Variants in LCOR observed in about 807,000 individuals in gnomAD.
The protein encoded by LCOR is ligand-dependent corepressor.
Under a neutral mutation model 64.4 loss-of-function variants are expected in LCOR, and 14 were observed. The ratio of observed to expected loss-of-function variants is 0.22; its 90% CI spans 0.14 to 0.34. LCOR has a LOEUF of 0.34. LCOR is among the 10% of genes least tolerant of loss of function. LCOR has a pLI of 1.00. For missense variants in LCOR, 1,686 were observed against 1,765.3 expected (o/e 0.96, Z 0.80); for synonymous variants, 643 against 642.5 (o/e 1.00, Z -0.01).
At chr10:96,893,188 T>C (rs1156534082) in intron 2 of LCOR, among the ~76,000 whole-genome samples, 3 of 152,228 alleles carry the variant, frequency 2.0e-5, no homozygotes, top group Non-Finnish European at 2.9e-5. Context: ...TAAAATACTT[T>C]GCTGCTACAT....
chr10:96,923,296 A>G (rs1847112914), intron 4 of LCOR, among the ~76,000 whole-genome samples: 1 of 152,244 alleles, frequency 6.6e-6, no homozygotes, highest in African/African-American at 2.4e-5. Context: ...CAAAACCTGC[A>G]TGTGTTCACA....
At chr10:96,874,693 AATGGTGCG>A (rs1846134642) in intron 2 of LCOR, among the ~76,000 whole-genome samples, 1 of 151,416 alleles carries the variant, frequency 6.6e-6, no homozygotes, top group African/African-American at 2.4e-5. Flanking sequence ...GCTGGAGTGC[AATGGTGCG>A]ATCTTGGCTC....
intron 4 of LCOR, among the ~76,000 whole-genome samples, chr10:96,913,881 G>A (rs1325823672): frequency 6.6e-6 from 1 of 151,802 alleles, no homozygotes; most frequent in Non-Finnish European, 1.5e-5. Flanking sequence ...TCATGCCTGG[G>A]CGACACACAC....
intron 7 of LCOR, chr10:96,960,726 C>T (rs1056096927): frequency 1.3e-5 from 2 of 152,040 alleles, no homozygotes; most frequent in Non-Finnish European, 2.9e-5. Flanking sequence ...CAGAACAGCC[C>T]GTTTAGGAGA....
chr10:96,897,955 A>AT lies in LCOR; in HGVS notation c.-329-9309dup, dbSNP rs894120318. On this transcript the variant is annotated intron_variant, in intron 2 of 7. Transcript: ENST00000421806. ...TTCAAGTCTTTAGCTTGCCTGACACATAAAACAGAGTCCTTGTAAAATCTC... is the reference window on the plus strand; with the variant it reads ...TTCAAGTCTTTAGCTTGCCTGACACATTAAAACAGAGTCCTTGTAAAATCTC... Among the ~76,000 whole-genome samples the AT allele has an allele frequency of 8.6e-5, 13 of 150,604 alleles. No individual in the cohort carries two copies. The East Asian group carries it at 2.5e-3, about 29-fold the overall frequency.
At chr10:96,925,963 T>A (rs763522645) in intron 4 of LCOR, among the ~76,000 whole-genome samples, 19 of 152,248 alleles carry the variant, frequency 1.2e-4, no homozygotes, top group Non-Finnish European at 2.6e-4. Flanking sequence ...TTTCTGTTAA[T>A]GTTTCATATT....
intron 2 of LCOR, among the ~76,000 whole-genome samples, chr10:96,902,385 G>T (rs1296955855): frequency 3.3e-5 from 5 of 152,176 alleles, no homozygotes; most frequent in African/African-American, 1.2e-4. Flanking sequence ...TGCTCAGGAG[G>T]AGAGGAAGAA....
intron 5 of LCOR, among the ~76,000 whole-genome samples, chr10:96,945,043 CTTAG>C (rs1847564205): frequency 1.3e-5 from 2 of 152,174 alleles, no homozygotes; most frequent in Non-Finnish European, 2.9e-5. Flanking sequence ...ATTTATACTT[CTTAG>C]TTACACTTTT....
chr10:96,875,124 C>T (rs1846141299), intron 2 of LCOR, among the ~76,000 whole-genome samples: 1 of 151,514 alleles, frequency 6.6e-6, no homozygotes, highest in African/African-American at 2.4e-5. Context: ...GTGGCTCACA[C>T]CTGTAATCCC....
chr10:96,933,172 T>C (rs1847292485), intron 4 of LCOR, among the ~76,000 whole-genome samples: 1 of 152,180 alleles, frequency 6.6e-6, no homozygotes, highest in South Asian at 2.1e-4. Context: ...TGCGTATGTG[T>C]TTTTTAGGGG....
intron 7 of LCOR, among the ~76,000 whole-genome samples, chr10:96,973,161 C>A (rs1047537353): frequency 4.6e-5 from 7 of 152,162 alleles, no homozygotes; most frequent in Non-Finnish European, 1.0e-4. Context: ...ACCTGGAAAT[C>A]ACATATTTAA....
intron 2 of LCOR, among the ~76,000 whole-genome samples, chr10:96,862,752 T>C (rs528884935): frequency 6.6e-6 from 1 of 152,342 alleles, no homozygotes; most frequent in East Asian, 1.9e-4. Context: ...CTCATTGGTG[T>C]ACAAAAAGAC....
rs1848196908 is a variant in LCOR at position 96,991,061 on chromosome 10, C to T, written c.*5927C>T. The T allele has an allele frequency of 6.7e-6, 1 of 148,950 alleles. No homozygotes were observed. The highest frequency in any genetic ancestry group is 1.5e-5 in the Non-Finnish European group (1 of 67,658). The allele number at this position is 148,950 out of a possible 1,614,324, so 9.2% of individuals were successfully genotyped here. Reference sequence around the variant, plus strand: ...AAAAAAAAAAGCAACTATATGTGGCCCGCATAGCCTGAAATATTTACTTCC... The same window carrying T: ...AAAAAAAAAAGCAACTATATGTGGCTCGCATAGCCTGAAATATTTACTTCC... On this transcript the variant is annotated 3_prime_UTR_variant, in exon 8 of 8. Transcript: ENST00000421806.
chr10:96,865,487 A>AT (rs928158132), intron 2 of LCOR, among the ~76,000 whole-genome samples: 11 of 152,144 alleles, frequency 7.2e-5, no homozygotes, highest in East Asian at 1.9e-4. Context: ...AATAGGAGTG[A>AT]TTTTTTTATC....
At chr10:96,898,688 T>G (rs148893196) in intron 2 of LCOR, among the ~76,000 whole-genome samples, 1 of 152,332 alleles carries the variant, frequency 6.6e-6, no homozygotes, top group African/African-American at 2.4e-5. Flanking sequence ...TTGGAACGAA[T>G]TAGCTGCTTT....
chr10:96,982,833 A>G lies in LCOR; in HGVS notation c.2373A>G (p.Thr791=), dbSNP rs1564646071. The part of the protein sequence containing the change: ...KCLSEKDTYD[T]SIDSLEENLD... Reference sequence around the variant, plus strand: ...TGTCAGAAAAAGACACGTATGATACAAGCATTGACTCACTCGAAGAGAATT... The same window carrying G: ...TGTCAGAAAAAGACACGTATGATACGAGCATTGACTCACTCGAAGAGAATT... Residue 791 remains threonine (T), a synonymous_variant, in exon 8 of 8, where the codon ACA becomes ACG. Transcript: ENST00000421806. 1 of 1,614,118 alleles carries G rather than the reference A, an allele frequency of 6.2e-7. No individual in the cohort carries two copies. The highest frequency in any genetic ancestry group is 1.1e-5 in the South Asian group (1 of 91,078).
intron 5 of LCOR, among the ~76,000 whole-genome samples, chr10:96,944,584 A>G (rs1268676366): frequency 6.7e-6 from 1 of 149,788 alleles, no homozygotes; most frequent in African/African-American, 2.5e-5. Context: ...ACTAAATCCA[A>G]CTGTGTGATT....
At chr10:96,941,072 C>T (rs1377373924) in intron 4 of LCOR, among the ~76,000 whole-genome samples, 40 of 120,082 alleles carry the variant, frequency 3.3e-4, no homozygotes, top group African/African-American at 1.1e-3. Context: ...ACCCCCCCCC[C>T]GCCTCCCTCC....
At chr10:96,969,661 A>G (rs935703856) in intron 7 of LCOR, among the ~76,000 whole-genome samples, 9 of 152,108 alleles carry the variant, frequency 5.9e-5, no homozygotes, top group Non-Finnish European at 1.0e-4. Context: ...AATTATGCCT[A>G]TTTAATGTGG....
Sources: allele counts gnomAD v4.1 joint callset (sites outside exome capture counted in the v4.1 genomes callset), GRCh38; gene constraint gnomAD v4.1.1; transcripts MANE v1.5; gene names NCBI Gene and HGNC (gene_info 2026-07-23, HGNC 2026-07-21).